The following MORC3 variants were observed in gnomAD, a reference collection of about 807,000 sequenced individuals.
MORC3 encodes the protein MORC family CW-type zinc finger protein 3.
A neutral mutation model predicts 109.1 loss-of-function variants in MORC3; 31 were observed. The ratio of observed to expected loss-of-function variants is 0.28; its 90% confidence interval spans 0.21 to 0.38. The LOEUF (loss-of-function observed/expected upper bound fraction) is 0.38, where lower values mean the gene tolerates loss of function less well. Among genes scored for constraint, MORC3 ranks in the 10% least tolerant of loss-of-function variants. The pLI is 1.00. For synonymous variants in MORC3, 395 were observed against 380.7 expected, an observed-to-expected ratio of 1.04 and a Z score of -0.44; for missense variants, 867 against 1,135.8, an observed-to-expected ratio of 0.76 and a Z score of 3.40.
At chr21:36,338,660 C>A (rs770553305) in intron 4 of MORC3, 114 bp from the exon 5 acceptor site, 10 of 1,000,024 alleles carry the variant, frequency 1.0e-5, no homozygotes, top group African/African-American at 8.3e-5. Flanking sequence ...AAAAAAAAAA[C>A]CTTAGAAAAT....
In MORC3 at chr21:36,347,372, C is replaced by G. The variant is rs894095232; in HGVS notation, c.1006-1939C>G. ...ATGTAAATTTTTTTCTTTTTATCAC[C>G]TATGAATCTGACTTAACCAAGATAT... On this transcript the variant is annotated intron_variant, in intron 8 of 16. Transcript: ENST00000400485. Among the ~76,000 whole-genome samples, 8 of 152,262 alleles carry G rather than the reference C, an allele frequency of 5.3e-5. No individual in the cohort carries two copies. The East Asian group carries it at 5.8e-4, about 11-fold the overall frequency.
At chr21:36,322,757 T>G (rs1030203088) in intron 1 of MORC3, among the ~76,000 whole-genome samples, 3 of 152,216 alleles carry the variant, frequency 2.0e-5, no homozygotes, top group African/African-American at 7.2e-5. Flanking sequence ...TTAAATTTTT[T>G]GCTTTTTACC....
intron 9 of MORC3, among the ~76,000 whole-genome samples, chr21:36,356,320 A>G (rs758490401): frequency 7.2e-5 from 11 of 152,170 alleles, no homozygotes; most frequent in African/African-American, 1.2e-4. Context: ...TGTTTTATGC[A>G]TTCATGACAT....
chr21:36,337,057 G>A lies in MORC3; in HGVS notation c.245+51G>A, dbSNP rs1247449744. On this transcript the variant is annotated intron_variant, in intron 3 of 16. Transcript: ENST00000400485. ...TAAAATTGTTGCTTTTACCTAAAGG[G>A]TTTTCCATGCCATACTTACTATTCT... 10 of 1,583,336 alleles carry A rather than the reference G, an allele frequency of 6.3e-6. 1 individual carries two copies. The South Asian group carries it at 9.1e-5, about 14-fold the overall frequency.
chr21:36,340,638 C>CTTTTTTTTTTTTTTTTTTT, intron 5 of MORC3, among the ~76,000 whole-genome samples: 1 of 123,676 alleles, frequency 8.1e-6, no homozygotes, highest in Non-Finnish European at 1.7e-5. Context: ...TTCTTTCTTT[C>CTTTTTTTTTTTTTTTTTTT]TTTTTTTTTT....
chr21:36,339,205 C>T (rs191044564), intron 5 of MORC3: 48 of 223,656 alleles, frequency 2.1e-4, no homozygotes, highest in Admixed American at 9.4e-4. Context: ...CTGCAGCCTC[C>T]GCCTCCTAGG....
intron 1 of MORC3, among the ~76,000 whole-genome samples, chr21:36,331,778 ATT>A (rs2085317924): frequency 6.6e-6 from 1 of 152,196 alleles, no homozygotes; most frequent in Non-Finnish European, 1.5e-5. Context: ...TGCAATGCAA[ATT>A]TGTTGCATTG....
In MORC3 at chr21:36,336,940, A is replaced by G. The variant is rs915327134; in HGVS notation, c.179A>G (p.His60Arg). 6.8e-6 allele frequency: 11 copies of G among 1,613,342 alleles called. No homozygotes were observed. The highest frequency in any genetic ancestry group is 3.3e-4 in the Middle Eastern group (2 of 6,080). Residue 60 changes from histidine (H) to arginine (R), a missense_variant, in exon 3 of 17, where the codon CAT becomes CGT. His to Arg is a conservative substitution (Grantham distance 29, BLOSUM62 0). Transcript: ENST00000400485. ...ATTGACAAAACAGTGATAAATGACC[A>G]TATATGCTTGACATTCACCGACAAT... ...IWIDKTVIND[H>R]ICLTFTDNGN...
intron 14 of MORC3, among the ~76,000 whole-genome samples, chr21:36,364,881 G>A (rs1206843171): frequency 2.6e-5 from 4 of 151,600 alleles, no homozygotes; most frequent in Non-Finnish European, 5.9e-5. Context: ...GTGAAACCCC[G>A]TCTCTACTAA....
At chr21:36,341,944 T>G (rs1474605673) in intron 6 of MORC3, among the ~76,000 whole-genome samples, 1 of 152,124 alleles carries the variant, frequency 6.6e-6, no homozygotes, top group Non-Finnish European at 1.5e-5. Context: ...TTTAACGTAT[T>G]TGCCCGTGCA....
chr21:36,329,341 C>A (rs1321413972), intron 1 of MORC3, among the ~76,000 whole-genome samples: 3 of 151,830 alleles, frequency 2.0e-5, no homozygotes, highest in African/African-American at 7.3e-5. Context: ...TGTTGGGCTG[C>A]ATTCAAAGCT....
In MORC3 at chr21:36,354,554, C is replaced by T. The variant is rs991080936; in HGVS notation, c.1104-2066C>T. Among the ~76,000 whole-genome samples, 8 of 152,152 alleles carry T rather than the reference C, an allele frequency of 5.3e-5. No individual in the cohort carries two copies. The East Asian group carries it at 1.5e-3, about 29-fold the overall frequency. ...TCCTGACCTTGTGATCCGCCCGCCT[C>T]TGTCTTCCAAAGTGCTGGGATTACA... On this transcript the variant is annotated intron_variant, in intron 9 of 16. Transcript: ENST00000400485.
In MORC3 at chr21:36,375,867, C is replaced by G. The variant is rs185756612; in HGVS notation, c.*571C>G. On this transcript the variant is annotated 3_prime_UTR_variant, in exon 17 of 17. Coordinates refer to ENST00000400485, the MANE Select transcript of MORC3 (RefSeq NM_015358.3). ...TCATGAAAATAAGGTAAGCAAAAACCAACTCCATTTTGCCAGGATTTTGTT... is the reference window on the plus strand; with the variant it reads ...TCATGAAAATAAGGTAAGCAAAAACGAACTCCATTTTGCCAGGATTTTGTT... 6.6e-6 allele frequency: 1 copy of G among 152,278 alleles called. No homozygotes were observed. The highest frequency in any genetic ancestry group is 1.9e-4 in the East Asian group (1 of 5,186). 9.4% of individuals were successfully genotyped at this position (152,278 alleles called of 1,614,324 possible).
chr21:36,320,651 T>A (rs971950567), intron 1 of MORC3: 2 of 245,876 alleles, frequency 8.1e-6, no homozygotes, highest in African/African-American at 4.5e-5. Flanking sequence ...CCTGACCCTC[T>A]TCTGTCCGCT....
chr21:36,338,814 T>C lies in MORC3; in HGVS notation c.501T>C (p.Ala167=), dbSNP rs2085402966. 1.2e-6 allele frequency: 2 copies of C among 1,613,886 alleles called. No homozygotes were observed. Among genetic ancestry groups the C allele is most frequent in the South Asian group, 2.2e-5 (2 of 91,076 alleles). The part of the protein sequence containing the change: ...INLAESKASL[A]AILEHSLFST... ...TAGCAGAATCAAAAGCCAGCCTTGCTGCAATTCTGGAACATTCTCTGTTTT... is the reference window on the plus strand; with the variant it reads ...TAGCAGAATCAAAAGCCAGCCTTGCCGCAATTCTGGAACATTCTCTGTTTT... The change falls in exon 5 of 17, where the codon GCT becomes GCC. Residue 167 remains alanine, a synonymous_variant. Coordinates refer to ENST00000400485, the MANE Select transcript of MORC3 (RefSeq NM_015358.3).
At chr21:36,370,126 T>C (rs141867719) in intron 15 of MORC3, among the ~76,000 whole-genome samples, 3,763 of 152,204 alleles carry the variant, frequency 0.025, 66 homozygotes, top group Admixed American at 0.046. Context: ...GAGAATCACT[T>C]GAACCCAGGA....
In MORC3 at chr21:36,360,258, C is replaced by T. The variant is rs201094724; in HGVS notation, c.1406C>T (p.Thr469Ile). 8.1e-6 allele frequency: 13 copies of T among 1,612,326 alleles called. No homozygotes were observed. In the Admixed American group the frequency reaches 1.2e-4, roughly 14 times the overall value. ...ACTTATGAAAAAACCTACAAAAAGACGTGAGTGTTGTATTGATGTATAGTG... is the reference window on the plus strand; with the variant it reads ...ACTTATGAAAAAACCTACAAAAAGATGTGAGTGTTGTATTGATGTATAGTG... Reference protein sequence around the residue: ...HPTYEKTYKKTNKEKFRIRQP... With the variant: ...HPTYEKTYKKINKEKFRIRQP... The change falls in exon 12 of 17, where the codon ACC becomes ATC. Residue 469 changes from threonine to isoleucine, a missense_variant and splice_region_variant. By Grantham distance (89) the Thr-to-Ile change is moderately conservative (BLOSUM62 -1). Transcript: ENST00000400485.
In MORC3 at chr21:36,372,497, A is replaced by G. The variant is rs754271960; in HGVS notation, c.2632A>G (p.Ile878Val). 1.3e-6 allele frequency: 2 copies of G among 1,596,104 alleles called. No individual in the cohort carries two copies. Among genetic ancestry groups the G allele is most frequent in the Admixed American group, 3.8e-5 (2 of 53,102 alleles). The change falls in exon 16 of 17, where the codon ATT (isoleucine) becomes GTT (valine). Residue 878 changes from isoleucine to valine, a missense_variant. Physicochemically the swap from Ile to Val is conservative, Grantham distance 29. Around this residue, in one of 7 missense-constraint regions of MORC3, gnomAD observed 486 missense variants for 502.1 expected, o/e 0.97. Coordinates refer to ENST00000400485, the MANE Select transcript of MORC3 (RefSeq NM_015358.3). ...AACAGATGTTTCAACATCAAGTAAC[A>G]TTGAGGAGTCTGTAAATCATATGGA... ...TATDVSTSSN[I>V]EESVNHMDGE...
chr21:36,362,226 C>T lies in MORC3; in HGVS notation c.1450C>T (p.Arg484Trp), dbSNP rs763982889. ...FRIRQPEMIP[R>W]INAELLFRPT... ...GATCAGACAACCGGAAATGATCCCT[C>T]GGGTAATTAAGCCTTCTTTTTTTTT... is the stretch of plus-strand genomic sequence containing the variant. The change falls in exon 13 of 17, where the codon CGG becomes TGG. Residue 484 changes from arginine (R) to tryptophan (W), a missense_variant and splice_region_variant. By Grantham distance (101) the Arg-to-Trp change is moderately radical. Coordinates refer to ENST00000400485, the MANE Select transcript of MORC3 (RefSeq NM_015358.3). 13 of 1,601,248 alleles carry T rather than the reference C, an allele frequency of 8.1e-6. No individual in the cohort carries two copies. The highest frequency in any genetic ancestry group is 4.1e-5 in the African/African-American group (3 of 73,348).
Sources: allele counts gnomAD v4.1 joint callset (sites outside exome capture counted in the v4.1 genomes callset), GRCh38; gene constraint gnomAD v4.1.1; regional missense constraint gnomAD v4.1.1; transcripts MANE v1.5; gene names NCBI Gene and HGNC (gene_info 2026-07-23, HGNC 2026-07-21).